The following RRP15 variants were observed in gnomAD, a reference collection of about 807,000 sequenced individuals.
The protein encoded by RRP15 is RRP15-like protein.
Under a neutral mutation model 27.1 loss-of-function variants are expected in RRP15, and 18 were observed. The ratio of observed to expected loss-of-function variants is 0.66; its 90% confidence interval spans 0.46 to 0.98. The LOEUF is 0.98. Ranked by LOEUF, RRP15 falls within the 50% of genes least tolerant of loss-of-function variation. RRP15 has a pLI of 0.00. For synonymous variants in RRP15, 107 were observed against 109.4 expected (o/e 0.98, Z 0.14); for missense variants, 359 against 337.8 (o/e 1.06, Z -0.49).
In RRP15 at chr1:218,331,157, G is replaced by C; in HGVS notation, c.*66G>C. 1 of 1,462,862 alleles carries C rather than the reference G, an allele frequency of 6.8e-7. No individual in the cohort carries two copies. Among genetic ancestry groups the C allele is most frequent in the Admixed American group, 2.1e-5 (1 of 48,656 alleles). The allele number at this position is 1,462,862 out of a possible 1,614,324, so 90.6% of individuals were successfully genotyped here. On this transcript the variant is annotated 3_prime_UTR_variant, in exon 5 of 5. Transcript: ENST00000366932. ...TAGAAAAATATGTCATCCTCTGATA[G>C]TTGGGGAATTATAAGGATACCATTT...
chr1:218,309,216 C>G (rs962696646), intron 4 of RRP15, among the ~76,000 whole-genome samples: 1 of 152,086 alleles, frequency 6.6e-6, no homozygotes, highest in African/African-American at 2.4e-5. Context: ...TCTAGAACAC[C>G]CTGCCCCATG....
At position 218,331,698 on chromosome 1, in the gene RRP15, A is replaced by T. The variant is rs1439960148; in HGVS notation, c.*607A>T. Reference sequence around the variant, plus strand: ...TTTTTTTTTTTTTTTTTTGAGACGGAGTCTTGCTCTGTGGCCCCGGATGGA... The same window carrying T: ...TTTTTTTTTTTTTTTTTTGAGACGGTGTCTTGCTCTGTGGCCCCGGATGGA... On this transcript the variant is annotated 3_prime_UTR_variant, in exon 5 of 5. Transcript: ENST00000366932. 1 of 80,776 alleles carries T rather than the reference A, an allele frequency of 1.2e-5. No homozygotes were observed. The highest frequency in any genetic ancestry group is 4.2e-4 in the East Asian group (1 of 2,358). 5.0% of individuals were successfully genotyped at this position (80,776 alleles called of 1,614,324 possible).
intron 2 of RRP15, among the ~76,000 whole-genome samples, chr1:218,303,425 G>A (rs1655844786): frequency 6.6e-6 from 1 of 152,140 alleles, no homozygotes; most frequent in South Asian, 2.1e-4. Context: ...TGCTCTGTGT[G>A]AAAGGTGGAA....
At chr1:218,296,857 A>C (rs529801934) in intron 1 of RRP15, among the ~76,000 whole-genome samples, 9 of 152,228 alleles carry the variant, frequency 5.9e-5, no homozygotes, top group African/African-American at 1.9e-4. Context: ...TACGAGTTAT[A>C]AACTATAACA....
intron 1 of RRP15, chr1:218,301,709 T>C (rs754804374): frequency 1.6e-4 from 25 of 152,312 alleles, no homozygotes; most frequent in Admixed American, 3.9e-4. Context: ...AATTTTTTTT[T>C]CCAAAAATGT....
intron 4 of RRP15, among the ~76,000 whole-genome samples, chr1:218,308,867 A>G (rs1655944386): frequency 1.3e-5 from 2 of 152,238 alleles, no homozygotes; most frequent in Non-Finnish European, 2.9e-5. Flanking sequence ...TCTCGCTAGT[A>G]ACATTTTACT....
chr1:218,325,559 A>G lies in RRP15; in HGVS notation c.706-5389A>G, dbSNP rs190728244. Among the ~76,000 whole-genome samples the G allele has an allele frequency of 7.2e-5, 11 of 152,276 alleles. No individual in the cohort carries two copies. The East Asian group carries it at 1.9e-3, about 27-fold the overall frequency. On this transcript the variant is annotated intron_variant, in intron 4 of 4. Coordinates refer to ENST00000366932, the MANE Select transcript of RRP15 (RefSeq NM_016052.4). ...TTGTCTATTGCTTCCTTGCTTTCCA[A>G]TATTGCTACTGGAAAATCTGAATCT...
intron 3 of RRP15, among the ~76,000 whole-genome samples, chr1:218,306,061 G>A (rs1026515118): frequency 6.6e-6 from 1 of 152,116 alleles, no homozygotes; most frequent in Admixed American, 6.6e-5. Flanking sequence ...ACATGAGAGT[G>A]AGTGCCTCCT....
chr1:218,291,528 C>CTTT lies in RRP15; in HGVS notation c.139+6093_139+6095dup, dbSNP rs776529360. On this transcript the variant is annotated intron_variant, in intron 1 of 4. Transcript: ENST00000366932. ...AAAAGAAAGAAATCATTGAATTTTC[C>CTTT]TTTTTTTTTTTTTTTTTTTTTTGAG... Among the ~76,000 whole-genome samples, 116 of 104,940 alleles carry CTTT rather than the reference C, an allele frequency of 1.1e-3. 2 individuals are homozygous for CTTT. The highest frequency in any genetic ancestry group is 2.7e-3 in the African/African-American group (59 of 22,138). 68.8% of individuals were successfully genotyped at this position (104,940 alleles called of 152,430 possible).
intron 4 of RRP15, among the ~76,000 whole-genome samples, chr1:218,320,064 T>TTTA: frequency 6.6e-6 from 1 of 151,716 alleles, no homozygotes; most frequent in South Asian, 2.1e-4. Flanking sequence ...TTTCTTTTAT[T>TTTA]TTATTATTAT....
rs1455643748 is a variant in RRP15, at chr1:218,302,294, G to C, written c.140G>C (p.Gly47Ala). The change falls in exon 2 of 5, where the codon GGA (glycine) becomes GCA (alanine). Residue 47 changes from glycine (G) to alanine (A), a missense_variant and splice_region_variant. Transcript: ENST00000366932. ...DEATDTSDSE[G>A]SCGSEKDHFY... The stretch of plus-strand genomic sequence containing the variant: ...TTGCCTTTACTCTTTGGTTCTATAG[G>C]AAGCTGTGGATCGGAAAAGGACCAC... 1.9e-6 allele frequency: 3 copies of C among 1,610,854 alleles called. No individual in the cohort carries two copies. The African/African-American group carries it at 4.0e-5, about 22-fold the overall frequency.
chr1:218,317,823 C>T (rs927138230), intron 4 of RRP15, among the ~76,000 whole-genome samples: 2 of 150,942 alleles, frequency 1.3e-5, no homozygotes, highest in African/African-American at 4.9e-5. Context: ...GCAGCCTCAA[C>T]CTCCTGGGCT....
chr1:218,329,237 C>CAAAAAAAAAAAAAAAAAAAA (rs1164512474), intron 4 of RRP15, among the ~76,000 whole-genome samples: 1 of 53,552 alleles, frequency 1.9e-5, no homozygotes, highest in Non-Finnish European at 3.3e-5. Flanking sequence ...CCTGTCTCTA[C>CAAAAAAAAAAAAAAAAAAAA]AAAAAAAAAA....
intron 3 of RRP15, among the ~76,000 whole-genome samples, chr1:218,306,527 C>A (rs1333732150): frequency 6.6e-6 from 1 of 152,044 alleles, no homozygotes; most frequent in African/African-American, 2.4e-5. Flanking sequence ...ATCCAGCAAC[C>A]ATATGCAGGG....
At position 218,330,887 on chromosome 1, in the gene RRP15, CT is replaced by C. The variant is rs1656354882; in HGVS notation, c.706-56del. ...GAAAAGTTTGTTTTGTAGCTTGTACCTTTTTGTTTCCTTATGATGGAATTGA... is the reference window on the plus strand; with the variant it reads ...GAAAAGTTTGTTTTGTAGCTTGTACCTTTTGTTTCCTTATGATGGAATTGA... On this transcript the variant is annotated intron_variant, in intron 4 of 4. Transcript: ENST00000366932. The C allele has an allele frequency of 2.0e-6, 3 of 1,494,486 alleles. No individual in the cohort carries two copies. The African/African-American group carries it at 4.2e-5, about 21-fold the overall frequency. The allele number at this position is 1,494,486 out of a possible 1,614,324, so 92.6% of individuals were successfully genotyped here.
Position 218,315,919 on chromosome 1 carries a change from C to G in RRP15, c.705+8287C>G, listed in dbSNP as rs543076721. Among the ~76,000 whole-genome samples, 5 of 152,252 alleles carry G rather than the reference C, an allele frequency of 3.3e-5. 1 individual carries two copies. In the South Asian group the frequency reaches 1.0e-3, roughly 32 times the overall value. Reference sequence around the variant, plus strand: ...AATCCTAATTTTGTAAATAATTCAGCTTAATGTTTGTTTACTGAAAATGCC... The same window carrying G: ...AATCCTAATTTTGTAAATAATTCAGGTTAATGTTTGTTTACTGAAAATGCC... On this transcript the variant is annotated intron_variant, in intron 4 of 4. Transcript: ENST00000366932.
At chr1:218,330,896 T>C (rs1656355128) in intron 4 of RRP15, 52 bp from the exon 5 acceptor site, 1 of 1,543,554 alleles carries the variant, frequency 6.5e-7, no homozygotes, top group Admixed American at 1.8e-5. Flanking sequence ...CCTTTTTGTT[T>C]CCTTATGATG....
chr1:218,317,804 C>T (rs1365435526), intron 4 of RRP15, among the ~76,000 whole-genome samples: 4 of 146,554 alleles, frequency 2.7e-5, no homozygotes, highest in Non-Finnish European at 5.9e-5. Context: ...GGTGTGATCA[C>T]AGCTCACTGC....
rs1453698594 is a variant in RRP15 at position 218,335,220 on chromosome 1, A to C, written c.*4129A>C. 6.6e-6 allele frequency: 1 copy of C among 152,140 alleles called. No individual in the cohort carries two copies. The highest frequency in any genetic ancestry group is 2.1e-4 in the South Asian group (1 of 4,826). The allele number at this position is 152,140 out of a possible 1,614,324, so 9.4% of individuals were successfully genotyped here. On this transcript the variant is annotated 3_prime_UTR_variant, in exon 5 of 5. Transcript: ENST00000366932. ...CTGAACATAATTTCAGGGAGTTAGT[A>C]TTTAGGACTTTTTACCTAGAGATGC...
Sources: allele counts gnomAD v4.1 joint callset (sites outside exome capture counted in the v4.1 genomes callset), GRCh38; gene constraint gnomAD v4.1.1; transcripts MANE v1.5; gene names NCBI Gene and HGNC (gene_info 2026-07-23, HGNC 2026-07-21).